The following DCDC1 variants were observed in gnomAD, a reference collection of about 807,000 sequenced individuals.
DCDC1 encodes doublecortin domain containing 1.
Under a neutral mutation model 178.3 loss-of-function variants are expected in DCDC1, and 200 were observed. The observed-to-expected ratio is 1.12, with a 90% CI of 1.00 to 1.26. The LOEUF is 1.26. Among genes scored for constraint, DCDC1 ranks in the 50% most tolerant of loss-of-function variants. DCDC1 has a pLI of 0.00. For missense variants in DCDC1, 1,983 were observed against 1,749.2 expected, an observed-to-expected ratio of 1.13 and a Z score of -2.38; for synonymous variants, 690 against 604.8, an observed-to-expected ratio of 1.14 and a Z score of -2.07.
chr11:31,128,108 T>C (rs1287206589), intron 10 of DCDC1, among the ~76,000 whole-genome samples: 1 of 152,042 alleles, frequency 6.6e-6, no homozygotes, highest in Non-Finnish European at 1.5e-5. Flanking sequence ...AAATTCATTA[T>C]CATTTTGTTG....
chr11:31,063,364 G>A (rs1956059715), intron 20 of DCDC1, among the ~76,000 whole-genome samples: 2 of 152,030 alleles, frequency 1.3e-5, no homozygotes, highest in African/African-American at 4.8e-5. Flanking sequence ...CATACCCAAA[G>A]GATTATAAAT....
At chr11:31,241,909 T>C (rs1351414775) in intron 8 of DCDC1, among the ~76,000 whole-genome samples, 2 of 151,964 alleles carry the variant, frequency 1.3e-5, no homozygotes, top group Non-Finnish European at 2.9e-5. Context: ...TTGCCTTATC[T>C]TCTCATTTAT....
intron 9 of DCDC1, among the ~76,000 whole-genome samples, chr11:31,143,580 C>T (rs1227744171): frequency 6.6e-6 from 1 of 152,154 alleles, no homozygotes; most frequent in Non-Finnish European, 1.5e-5. Context: ...TCTTACAATG[C>T]AGGCAGAACT....
At chr11:30,893,499 C>A (rs11828620) in intron 35 of DCDC1, among the ~76,000 whole-genome samples, 5 of 152,114 alleles carry the variant, frequency 3.3e-5, no homozygotes, top group African/African-American at 1.2e-4. Flanking sequence ...GCTTTTTATT[C>A]TACTTCAAGC....
At chr11:31,351,603 T>C (rs1951074098) in intron 1 of DCDC1, among the ~76,000 whole-genome samples, 1 of 152,138 alleles carries the variant, frequency 6.6e-6, no homozygotes, top group African/African-American at 2.4e-5. Flanking sequence ...ATTTTCCAAA[T>C]TGAAGGCAGG....
At chr11:31,177,426 T>A (rs546042977) in intron 9 of DCDC1, among the ~76,000 whole-genome samples, 1 of 148,668 alleles carries the variant, frequency 6.7e-6, no homozygotes. Context: ...AAAAAGAAAA[T>A]AAAAACAAAA....
At chr11:31,043,589 T>C (rs921285705) in intron 20 of DCDC1, among the ~76,000 whole-genome samples, 1 of 151,970 alleles carries the variant, frequency 6.6e-6, no homozygotes, top group South Asian at 2.1e-4. Context: ...TAAACAGACA[T>C]TGGTTATGTT....
At position 31,030,860 on chromosome 11, in the gene DCDC1, G is replaced by GA. The variant is rs35033833; in HGVS notation, c.2591+33608dup. On this transcript the variant is annotated intron_variant, in intron 20 of 38. Transcript: ENST00000684477. ...GAGAATTGTATATTTCCCAGGGCAA[G>GA]AAAAAAAAAAACCACTAATCTAGAA... Among the ~76,000 whole-genome samples, 56 of 148,354 alleles carry GA rather than the reference G, an allele frequency of 3.8e-4. 1 individual carries two copies. The highest frequency in any genetic ancestry group is 8.5e-4 in the South Asian group (4 of 4,708).
At chr11:31,101,469 T>C (rs1958498860) in intron 15 of DCDC1, among the ~76,000 whole-genome samples, 1 of 152,166 alleles carries the variant, frequency 6.6e-6, no homozygotes, top group Non-Finnish European at 1.5e-5. Context: ...CTAAAGAACT[T>C]GTGTTCCTTA....
At chr11:30,902,864 A>T (rs957080420) in intron 32 of DCDC1, among the ~76,000 whole-genome samples, 14 of 152,196 alleles carry the variant, frequency 9.2e-5, no homozygotes, top group African/African-American at 3.4e-4. Flanking sequence ...GTCGTTTGGG[A>T]CACACACAGT....
At chr11:31,092,829 G>C (rs1957900184) in intron 16 of DCDC1, among the ~76,000 whole-genome samples, 1 of 152,144 alleles carries the variant, frequency 6.6e-6, no homozygotes. Context: ...TTATTCAGTG[G>C]CAGTGCTGGG....
chr11:31,204,310 G>A (rs1971631678), intron 9 of DCDC1, among the ~76,000 whole-genome samples: 1 of 151,388 alleles, frequency 6.6e-6, no homozygotes, highest in Non-Finnish European at 1.5e-5. Flanking sequence ...AATTCAAGAG[G>A]GTAGAAAAAG....
intron 20 of DCDC1, among the ~76,000 whole-genome samples, chr11:31,037,233 T>C (rs1345154489): frequency 6.6e-6 from 1 of 152,142 alleles, no homozygotes; most frequent in African/African-American, 2.4e-5. Context: ...TATGGCGCCA[T>C]ATTGAAAAGG....
rs185984451 is a variant in DCDC1 at position 31,071,647 on chromosome 11, C to A, written c.2298+6218G>T. Reference sequence around the variant, plus strand: ...TAATGGGTAGCAGAGTATTCAGTCACATCATGGCCCTACCTTTTGGGCACT... The same window carrying A: ...TAATGGGTAGCAGAGTATTCAGTCAAATCATGGCCCTACCTTTTGGGCACT... On this transcript the variant is annotated intron_variant, in intron 18 of 38. Transcript: ENST00000684477. Among the ~76,000 whole-genome samples the A allele has an allele frequency of 1.6e-4, 24 of 152,290 alleles. No homozygotes were observed. In the Middle Eastern group the frequency reaches 0.01, roughly 65 times the overall value.
intron 9 of DCDC1, among the ~76,000 whole-genome samples, chr11:31,146,994 G>A (rs557895602): frequency 1.3e-5 from 2 of 152,196 alleles, no homozygotes; most frequent in Admixed American, 1.3e-4. Flanking sequence ...GCTTCTTCCT[G>A]TGTCTCAATA....
chr11:31,271,732 T>G (rs1331484629), intron 7 of DCDC1, among the ~76,000 whole-genome samples: 5 of 152,082 alleles, frequency 3.3e-5, no homozygotes, highest in African/African-American at 1.2e-4. Context: ...AAGAAAGAGG[T>G]TTAGTGGACT....
intron 7 of DCDC1, among the ~76,000 whole-genome samples, chr11:31,283,692 C>T (rs950547639): frequency 1.3e-5 from 2 of 152,122 alleles, no homozygotes; most frequent in African/African-American, 4.8e-5. Flanking sequence ...TACTCCCATA[C>T]TTGTTTCCCT....
At chr11:31,212,757 A>T (rs893111392) in intron 9 of DCDC1, among the ~76,000 whole-genome samples, 4 of 152,342 alleles carry the variant, frequency 2.6e-5, no homozygotes, top group Admixed American at 2.6e-4. Flanking sequence ...GAAAAAATAA[A>T]TCTGTATTTT....
intron 9 of DCDC1, among the ~76,000 whole-genome samples, chr11:31,232,379 A>C (rs557572251): frequency 8.1e-4 from 123 of 152,244 alleles, no homozygotes; most frequent in African/African-American, 2.8e-3. Flanking sequence ...TATGCTGTGA[A>C]CTTTAAAAAA....
Sources: gnomAD v4.1 joint callset for allele counts (sites outside exome capture counted in the v4.1 genomes callset) on GRCh38, gnomAD v4.1.1 for gene constraint, MANE v1.5 for transcripts, NCBI Gene and HGNC (gene_info 2026-07-23, HGNC 2026-07-21) for gene names.